MSI2: variants seen among roughly 807,000 people sequenced by gnomAD.
MSI2 encodes the protein musashi RNA binding protein 2.
In MSI2, 17 loss-of-function variants were observed where a neutral mutation model predicts 45.6. That is an observed-to-expected ratio of 0.37 (90% CI 0.26 to 0.56). MSI2 has a LOEUF of 0.56. Ranked by LOEUF, MSI2 falls within the 20% of genes least tolerant of loss-of-function variation. MSI2 has a pLI of 0.77. For missense variants in MSI2, 293 were observed against 444.2 expected, an observed-to-expected ratio of 0.66 and a Z score of 3.06; for synonymous variants, 156 against 158.2, an observed-to-expected ratio of 0.99 and a Z score of 0.11.
At chr17:57,429,381 C>T (rs2084552827) in intron 6 of MSI2, among the ~76,000 whole-genome samples, 1 of 152,150 alleles carries the variant, frequency 6.6e-6, no homozygotes, top group South Asian at 2.1e-4. Flanking sequence ...CATGTGCTGC[C>T]AGACACTGGG....
intron 5 of MSI2, among the ~76,000 whole-genome samples, chr17:57,377,274 C>T (rs1162405096): frequency 6.6e-6 from 1 of 152,200 alleles, no homozygotes; most frequent in Non-Finnish European, 1.5e-5. Context: ...AAGGAATGAG[C>T]CAAGCCTGAC....
At chr17:57,640,513 A>G (rs1207090085) in intron 10 of MSI2, among the ~76,000 whole-genome samples, 2 of 152,236 alleles carry the variant, frequency 1.3e-5, no homozygotes, top group African/African-American at 4.8e-5. Context: ...CCACTTACCA[A>G]GCAACAGATA....
intron 7 of MSI2, among the ~76,000 whole-genome samples, chr17:57,575,266 A>G (rs1449847022): frequency 1.3e-5 from 2 of 151,026 alleles, no homozygotes; most frequent in Non-Finnish European, 2.9e-5. Flanking sequence ...TGGGAGATCC[A>G]GGGTTTTGCC....
In MSI2 at chr17:57,675,127, G is replaced by C; in HGVS notation, c.945+1G>C. The C allele has an allele frequency of 6.2e-7, 1 of 1,611,426 alleles. No individual in the cohort carries two copies. The highest frequency in any genetic ancestry group is 8.5e-7 in the Non-Finnish European group (1 of 1,178,772). ...CTCGGGCTTCGGCCACGGCATAGCT[G>C]TAAGTACCTGCCTTCCCCTGCCCTC... On this transcript the variant is annotated splice_donor_variant, in intron 12 of 13. Coordinates refer to ENST00000284073, the MANE Select transcript of MSI2 (RefSeq NM_138962.4). LOFTEE classifies it high-confidence loss of function.
At chr17:57,385,026 ACT>A (rs2083660865) in intron 5 of MSI2, among the ~76,000 whole-genome samples, 1 of 151,390 alleles carries the variant, frequency 6.6e-6, no homozygotes, top group African/African-American at 2.4e-5. Flanking sequence ...TTTGTCTCCT[ACT>A]CTCTCTTAAA....
chr17:57,668,923 T>A (rs1310306836), intron 11 of MSI2, among the ~76,000 whole-genome samples: 1 of 152,214 alleles, frequency 6.6e-6, no homozygotes, highest in Non-Finnish European at 1.5e-5. Context: ...TAACTTAGCA[T>A]GTCATACAAT....
chr17:57,548,898 T>TCCCCC (rs758120237), intron 7 of MSI2, among the ~76,000 whole-genome samples: 141 of 121,300 alleles, frequency 1.2e-3, no homozygotes, highest in African/African-American at 2.4e-3. Flanking sequence ...TGTTTACCCT[T>TCCCCC]CCCCCCCCCA....
intron 6 of MSI2, among the ~76,000 whole-genome samples, chr17:57,405,873 G>A (rs955015173): frequency 6.6e-6 from 1 of 152,216 alleles, no homozygotes; most frequent in Non-Finnish European, 1.5e-5. Flanking sequence ...GGTGTCAAGT[G>A]AGATGGTTGG....
intron 5 of MSI2, among the ~76,000 whole-genome samples, chr17:57,341,434 G>C (rs866023109): frequency 2.0e-5 from 3 of 152,240 alleles, no homozygotes; most frequent in Middle Eastern, 3.2e-3. Context: ...GAGAACTGGA[G>C]TTGGGTACAT....
chr17:57,528,613 C>T lies in MSI2; in HGVS notation c.406-1063C>T, dbSNP rs112785131. ...CTCACAATTCTGGAGGCTAGAAGTT[C>T]AAGATCAAGGTGTGGCAGGGTTGGT... On this transcript the variant is annotated intron_variant, in intron 6 of 13. Transcript: ENST00000284073. Among the ~76,000 whole-genome samples the T allele has an allele frequency of 5.0e-3, 759 of 152,256 alleles. 7 individuals are homozygous for T. Among genetic ancestry groups the T allele is most frequent in the African/African-American group, 0.018 (731 of 41,542 alleles).
At chr17:57,508,534 G>A (rs1598347405) in intron 6 of MSI2, among the ~76,000 whole-genome samples, 1 of 152,222 alleles carries the variant, frequency 6.6e-6, no homozygotes, top group Non-Finnish European at 1.5e-5. Context: ...TTTGATGCTG[G>A]CTGGGAAGAA....
chr17:57,563,746 G>GCGCACACA (rs534460755), intron 7 of MSI2, among the ~76,000 whole-genome samples: 24 of 139,398 alleles, frequency 1.7e-4, no homozygotes, highest in East Asian at 4.2e-4. Context: ...ACACAGGCGC[G>GCGCACACA]CACACACACA....
chr17:57,371,869 A>G (rs1393831395), intron 5 of MSI2, among the ~76,000 whole-genome samples: 1 of 151,558 alleles, frequency 6.6e-6, no homozygotes, highest in Non-Finnish European at 1.5e-5. Context: ...TTTTACATAT[A>G]AATATATATG....
chr17:57,490,781 G>T (rs1331797203), intron 6 of MSI2, among the ~76,000 whole-genome samples: 1 of 152,158 alleles, frequency 6.6e-6, no homozygotes, highest in Non-Finnish European at 1.5e-5. Context: ...AAACATTTTG[G>T]CCTGCTCCTC....
rs1913585629 is a variant in MSI2, at chr17:57,681,379, AT to A, written c.*1868del. On this transcript the variant is annotated 3_prime_UTR_variant, in exon 14 of 14. Transcript: ENST00000284073. Reference sequence around the variant, plus strand: ...AATGTGATATTGACGTTTTATTAATATTTTTTAAATTGTTACGTTTATAAAT... The same window carrying A: ...AATGTGATATTGACGTTTTATTAATATTTTTAAATTGTTACGTTTATAAAT... 1 of 179,206 alleles carries A rather than the reference AT, an allele frequency of 5.6e-6. No individual in the cohort carries two copies. Among genetic ancestry groups the A allele is most frequent in the African/African-American group, 2.4e-5 (1 of 42,294 alleles). The allele number at this position is 179,206 out of a possible 1,614,324, so 11.1% of individuals were successfully genotyped here.
chr17:57,689,181 T>C (rs1405531236), downstream of MSI2, among the ~76,000 whole-genome samples: 4 of 121,730 alleles, frequency 3.3e-5, no homozygotes, highest in South Asian at 2.3e-4. Context: ...GGTTTTCTCT[T>C]TTTTTTTAAT....
chr17:57,683,704 C>T lies in MSI2; in HGVS notation c.*4187C>T, dbSNP rs1261951957. ...TTTTTTTTTTTTCTTGAATGTGCTT[C>T]GCAAGCCAGGCTATCTTCCAAGGAA... On this transcript the variant is annotated 3_prime_UTR_variant, in exon 14 of 14. Coordinates refer to ENST00000284073, the MANE Select transcript of MSI2 (RefSeq NM_138962.4). The surrounding 1 kb of genome is among the most constrained non-coding windows in gnomAD (Gnocchi z 5.2). The T allele has an allele frequency of 4.9e-5, 11 of 224,642 alleles. No homozygotes were observed. The highest frequency in any genetic ancestry group is 7.8e-5 in the Non-Finnish European group (9 of 114,832). The allele number at this position is 224,642 out of a possible 1,614,324, so 13.9% of individuals were successfully genotyped here.
intron 8 of MSI2, among the ~76,000 whole-genome samples, chr17:57,597,260 T>C (rs1905329389): frequency 1.3e-5 from 2 of 152,056 alleles, no homozygotes; most frequent in African/African-American, 4.8e-5. Context: ...TCAATAAAGC[T>C]TTGTTTATGG....
intron 6 of MSI2, among the ~76,000 whole-genome samples, chr17:57,435,281 C>T (rs1311141835): frequency 6.6e-6 from 1 of 151,986 alleles, no homozygotes; most frequent in Non-Finnish European, 1.5e-5. Flanking sequence ...GCAGGCAGTG[C>T]AAAGGCCCTG....
Sources: allele counts gnomAD v4.1 joint callset (sites outside exome capture counted in the v4.1 genomes callset), GRCh38; gene constraint gnomAD v4.1.1; non-coding constraint Gnocchi (gnomAD v3.1); transcripts MANE v1.5; gene names NCBI Gene and HGNC (gene_info 2026-07-23, HGNC 2026-07-21).